The following SNED1 variants were observed in gnomAD, a reference collection of about 807,000 sequenced individuals.
SNED1 encodes the protein sushi, nidogen and EGF-like domain-containing protein 1.
SNED1 carries 81 observed loss-of-function variants against 166.7 expected under a neutral mutation model. The observed-to-expected ratio is 0.49, with a 90% confidence interval of 0.41 to 0.58. The LOEUF (loss-of-function observed/expected upper bound fraction) is 0.58, where lower values mean the gene tolerates loss of function less well. Ranked by LOEUF, SNED1 falls within the 20% of genes least tolerant of loss-of-function variation. The pLI is 0.00. For missense variants in SNED1, 1,604 were observed against 2,000.2 expected (o/e 0.80, Z 3.78); for synonymous variants, 762 against 822.0 (o/e 0.93, Z 1.25).
intron 6 of SNED1, among the ~76,000 whole-genome samples, 165 bp downstream of exon 6, chr2:241,037,518 G>A (rs2061411359): frequency 6.6e-6 from 1 of 152,342 alleles, no homozygotes; most frequent in East Asian, 1.9e-4. Flanking sequence ...AGATGCCCAG[G>A]GAAAGGCCCA....
chr2:241,085,936 A>C lies in SNED1; in HGVS notation c.4122-1456A>C, dbSNP rs912209877. ...GGCTGGAGTGCAGTGGAGCGATCTC[A>C]GCTCACTACAACCTCCGCCCTCCTG... On this transcript the variant is annotated intron_variant, in intron 29 of 31. Coordinates refer to ENST00000310397, the MANE Select transcript of SNED1 (RefSeq NM_001080437.3). Among the ~76,000 whole-genome samples, 3 of 137,008 alleles carry C rather than the reference A, an allele frequency of 2.2e-5. No homozygotes were observed. In the East Asian group the frequency reaches 6.4e-4, roughly 29 times the overall value. The allele number at this position is 137,008 out of a possible 152,430, so 89.9% of individuals were successfully genotyped here. A position where few individuals can be genotyped will look rare whatever the true frequency, so the allele number is the denominator to read the frequency against.
intron 1 of SNED1, among the ~76,000 whole-genome samples, chr2:241,014,272 G>C (rs559673858): frequency 2.0e-5 from 3 of 152,150 alleles, no homozygotes; most frequent in East Asian, 1.9e-4. Flanking sequence ...GCCTCTCAAA[G>C]GTGTGAGCCA....
At position 241,051,681 on chromosome 2, in the gene SNED1, A is replaced by C; in HGVS notation, c.1736-63A>C. The C allele has an allele frequency of 7.9e-7, 1 of 1,266,134 alleles. No individual in the cohort carries two copies. Among genetic ancestry groups the C allele is most frequent in the Non-Finnish European group, 1.1e-6 (1 of 938,498 alleles). The allele number at this position is 1,266,134 out of a possible 1,614,324, so 78.4% of individuals were successfully genotyped here. A position where few individuals can be genotyped will look rare whatever the true frequency, so the allele number is the denominator to read the frequency against. On this transcript the variant is annotated intron_variant, in intron 12 of 31. Transcript: ENST00000310397. This position sits in a 1 kb window ranked among gnomAD's most constrained non-coding sequence, Gnocchi z 4.7. ...AGGACTGAGGAGATGCCAGGAGGGT[A>C]TAGTGGCTCTGTGGGGCCAGCAGCC...
At chr2:241,052,246 G>A (rs2125106056) in intron 14 of SNED1, 89 bp downstream of exon 14, 1 of 1,443,374 alleles carries the variant, frequency 6.9e-7, no homozygotes, top group South Asian at 1.2e-5. Context: ...GGCTGGTCCA[G>A]GCCCTGGAGG....
At chr2:241,067,574 C>T in intron 21 of SNED1, among the ~76,000 whole-genome samples, 190 bp from the exon 22 acceptor site, 1 of 152,300 alleles carries the variant, frequency 6.6e-6, no homozygotes, top group South Asian at 2.1e-4. Flanking sequence ...GGTTCTGCAG[C>T]TGTCAGCCCT....
At chr2:241,074,764 TTTTA>T (rs1213607678) in intron 27 of SNED1, 7 of 152,362 alleles carry the variant, frequency 4.6e-5, no homozygotes, top group Non-Finnish European at 1.0e-4. Context: ...GCTAGCTACC[TTTTA>T]TTTAGTTATT....
intron 25 of SNED1, 24 bp from the exon 26 acceptor site, chr2:241,071,772 G>GGTTGCTTTCTTCTTAGGGTCAAATC: frequency 6.3e-7 from 1 of 1,577,022 alleles, no homozygotes; most frequent in Non-Finnish European, 8.6e-7. Context: ...TCGGACTGTG[G>GGTTGCTTTCTTCTTAGGGTCAAATC]TGACCCTCCC....
intron 1 of SNED1, among the ~76,000 whole-genome samples, chr2:241,009,711 C>T (rs2060328429): frequency 6.6e-6 from 1 of 152,100 alleles, no homozygotes; most frequent in Non-Finnish European, 1.5e-5. Context: ...TCAGATGTCC[C>T]CTCCTCCAGG....
At chr2:241,058,340 A>G (rs2062126244) in intron 16 of SNED1, among the ~76,000 whole-genome samples, 1 of 152,178 alleles carries the variant, frequency 6.6e-6, no homozygotes, top group Non-Finnish European at 1.5e-5. Context: ...AAAAGAAGAA[A>G]ATTTCAAACT....
At position 241,030,226 on chromosome 2, in the gene SNED1, G is replaced by T; in HGVS notation, c.214-58G>T. Reference sequence around the variant, plus strand: ...TGGCAGGGGCTGGGGAGGCTGCTGGGCCCACCCGCCTGCCCACAGCCCCCA... The same window carrying T: ...TGGCAGGGGCTGGGGAGGCTGCTGGTCCCACCCGCCTGCCCACAGCCCCCA... On this transcript the variant is annotated intron_variant, in intron 1 of 31. Transcript: ENST00000310397. 7 of 1,469,932 alleles carry T rather than the reference G, an allele frequency of 4.8e-6. No individual in the cohort carries two copies. In the South Asian group the frequency reaches 9.5e-5, roughly 20 times the overall value. 91.1% of individuals were successfully genotyped at this position (1,469,932 alleles called of 1,614,324 possible).
chr2:241,012,133 T>TG (rs144740612), intron 1 of SNED1, among the ~76,000 whole-genome samples: 12,138 of 152,108 alleles, frequency 0.08, 603 homozygotes, highest in Non-Finnish European at 0.11. Flanking sequence ...AGGAAGAGCA[T>TG]GGGGGGTGCG....
intron 29 of SNED1, among the ~76,000 whole-genome samples, chr2:241,085,646 T>C (rs938998769): frequency 6.6e-6 from 1 of 152,152 alleles, no homozygotes; most frequent in Non-Finnish European, 1.5e-5. Flanking sequence ...GAATGTCTTA[T>C]AGTTTTTTAT....
intron 31 of SNED1, chr2:241,090,013 A>G: frequency 6.5e-7 from 1 of 1,548,692 alleles, no homozygotes; most frequent in Non-Finnish European, 8.7e-7. Flanking sequence ...TGGAATGCGC[A>G]GGACTGGCAG....
Position 241,064,170 on chromosome 2 carries a change from T to TG in SNED1, c.2599+45_2599+46insG. On this transcript the variant is annotated intron_variant, in intron 19 of 31. Transcript: ENST00000310397. The surrounding 1 kb of genome is among the most constrained non-coding windows in gnomAD (Gnocchi z 7.0). ...TGCTCCCCGCCCTCTGCCCGCCTGC[T>TG]CCCCGCCCTCTGCCCGCCTGCTGCC... 1 of 1,339,722 alleles carries TG rather than the reference T, an allele frequency of 7.5e-7. No individual in the cohort carries two copies. The allele number at this position is 1,339,722 out of a possible 1,614,324, so 83.0% of individuals were successfully genotyped here. A position where few individuals can be genotyped will look rare whatever the true frequency, so the allele number is the denominator to read the frequency against.
intron 16 of SNED1, among the ~76,000 whole-genome samples, chr2:241,061,819 C>G (rs1233381558): frequency 6.6e-6 from 1 of 150,446 alleles, no homozygotes; most frequent in Non-Finnish European, 1.5e-5. Flanking sequence ...TGCCACTGCA[C>G]TCCAGCCTGG....
chr2:241,040,362 A>T lies in SNED1; in HGVS notation c.1222A>T (p.Asn408Tyr), dbSNP rs1559253197. 1 of 1,609,186 alleles carries T rather than the reference A, an allele frequency of 6.2e-7. No individual in the cohort carries two copies. The highest frequency in any genetic ancestry group is 1.7e-5 in the Admixed American group (1 of 59,368). ...NGGSCVDLVG[N>Y]YTCLCAEPFK... ...AGGCTCTTGTGTTGACCTAGTGGGG[A>T]ATTACACCTGCTTGTGTGCCGAGCC... is the stretch of plus-strand genomic sequence containing the variant. Residue 408 changes from asparagine to tyrosine, a missense_variant, in exon 8 of 32, where the codon AAT (asparagine) becomes TAT (tyrosine). Transcript: ENST00000310397.
Position 241,069,771 on chromosome 2 carries a change from C to A in SNED1, c.3308-149C>A. 1.1e-6 allele frequency: 1 copy of A among 904,590 alleles called. No homozygotes were observed. The highest frequency in any genetic ancestry group is 1.6e-6 in the Non-Finnish European group (1 of 610,112). 56.0% of individuals were successfully genotyped at this position (904,590 alleles called of 1,614,324 possible). A position where few individuals can be genotyped will look rare whatever the true frequency, so the allele number is the denominator to read the frequency against. On this transcript the variant is annotated intron_variant, in intron 23 of 31. Coordinates refer to ENST00000310397, the MANE Select transcript of SNED1 (RefSeq NM_001080437.3). This position sits in a 1 kb window ranked among gnomAD's most constrained non-coding sequence, Gnocchi z 4.9. ...AGATTGTGCTGTACGTGCCAGCCCA[C>A]ACCCCGCCTCGGCACTGTACCATTC...
chr2:241,048,615 T>C, intron 9 of SNED1, 47 bp from the exon 10 acceptor site: 1 of 1,546,704 alleles, frequency 6.5e-7, no homozygotes, highest in Non-Finnish European at 8.8e-7. Context: ...GAGGGTGCCA[T>C]CTTTCTGCGC....
At chr2:241,062,436 A>C (rs1432309326) in intron 16 of SNED1, among the ~76,000 whole-genome samples, 1 of 152,256 alleles carries the variant, frequency 6.6e-6, no homozygotes, top group African/African-American at 2.4e-5. Context: ...GACTGGTTTC[A>C]CAGGTGACTA....
Sources: gnomAD v4.1 joint callset for allele counts (sites outside exome capture counted in the v4.1 genomes callset) on GRCh38, gnomAD v4.1.1 for gene constraint, Gnocchi (gnomAD v3.1) non-coding constraint, MANE v1.5 for transcripts, NCBI Gene and HGNC (gene_info 2026-07-23, HGNC 2026-07-21) for gene names.